Variants in DIXDC1 observed in about 807,000 individuals in gnomAD.
The protein encoded by DIXDC1 is DIX domain containing 1, also known as dixin.
A neutral mutation model predicts 103.1 loss-of-function variants in DIXDC1; 64 were observed. The observed-to-expected ratio is 0.62, with a 90% confidence interval of 0.51 to 0.76. The LOEUF is 0.76. Among genes scored for constraint, DIXDC1 ranks in the 30% least tolerant of loss-of-function variants. The pLI, the probability that DIXDC1 is intolerant of heterozygous loss-of-function variation, is 0.00. For missense variants in DIXDC1, 759 were observed against 834.2 expected, an observed-to-expected ratio of 0.91 and a Z score of 1.11; for synonymous variants, 266 against 298.5, an observed-to-expected ratio of 0.89 and a Z score of 1.12.
chr11:112,011,807 G>C (rs914693395), intron 17 of DIXDC1, among the ~76,000 whole-genome samples: 1 of 152,052 alleles, frequency 6.6e-6, no homozygotes, highest in African/African-American at 2.4e-5. Context: ...CTGTCGTGGA[G>C]GGGGGGACGG....
intron 18 of DIXDC1, 73 bp downstream of exon 18, chr11:112,016,869 C>T: frequency 7.7e-7 from 1 of 1,293,390 alleles, no homozygotes; most frequent in Admixed American, 2.1e-5. Context: ...TTACTGCCCA[C>T]ATGAGCAGCT....
At chr11:111,959,953 A>G (rs1159354694) in intron 1 of DIXDC1, among the ~76,000 whole-genome samples, 5 of 152,130 alleles carry the variant, frequency 3.3e-5, no homozygotes, top group African/African-American at 1.2e-4. Flanking sequence ...TCTGTCGCCC[A>G]GGCTGGAGTG....
At chr11:111,948,081 C>T (rs1235577648) in intron 1 of DIXDC1, among the ~76,000 whole-genome samples, 1 of 152,192 alleles carries the variant, frequency 6.6e-6, no homozygotes, top group Non-Finnish European at 1.5e-5. Flanking sequence ...GTCTCTAACA[C>T]TCTCTAGACA....
intron 1 of DIXDC1, among the ~76,000 whole-genome samples, chr11:111,963,161 A>G (rs1394828119): frequency 6.6e-6 from 1 of 152,234 alleles, no homozygotes; most frequent in Non-Finnish European, 1.5e-5. Context: ...TGAGAATTGA[A>G]TTGGATGACG....
At chr11:111,992,253 A>AAAACCC (rs1189085210) in intron 10 of DIXDC1, among the ~76,000 whole-genome samples, 162 bp from the exon 11 acceptor site, 1 of 152,202 alleles carries the variant, frequency 6.6e-6, no homozygotes, top group Non-Finnish European at 1.5e-5. Context: ...GGGGGACAGA[A>AAAACCC]AAACCCCTCC....
intron 2 of DIXDC1, among the ~76,000 whole-genome samples, chr11:111,931,406 T>C (rs1966012716): frequency 6.6e-6 from 1 of 151,944 alleles, no homozygotes; most frequent in South Asian, 2.1e-4. Flanking sequence ...TCCCAGCACT[T>C]TGGGAGGCTG....
intron 17 of DIXDC1, among the ~76,000 whole-genome samples, chr11:112,015,845 C>G (rs1232280515): frequency 7.3e-5 from 8 of 109,218 alleles, no homozygotes; most frequent in Non-Finnish European, 1.4e-4. Flanking sequence ...GAGTCTCACT[C>G]TGTCACCCAG....
chr11:111,975,034 G>C (rs1860053685), intron 5 of DIXDC1, 51 bp downstream of exon 5: 1 of 1,569,006 alleles, frequency 6.4e-7, no homozygotes, highest in African/African-American at 1.4e-5. Flanking sequence ...GGAGTTCTCG[G>C]CTTCAAGTAA....
chr11:111,984,087 A>G (rs1555173581), intron 7 of DIXDC1, among the ~76,000 whole-genome samples: 2 of 152,240 alleles, frequency 1.3e-5, no homozygotes, highest in African/African-American at 4.8e-5. Flanking sequence ...CATTTGACTT[A>G]CTCAAATTTT....
chr11:111,962,359 G>A (rs970613647), intron 1 of DIXDC1, among the ~76,000 whole-genome samples: 23 of 152,024 alleles, frequency 1.5e-4, no homozygotes, highest in Admixed American at 3.9e-4. Flanking sequence ...GCAGGCACCC[G>A]TAGTCCCAGC....
chr11:112,000,586 A>T (rs1555175875), intron 17 of DIXDC1, among the ~76,000 whole-genome samples: 1 of 151,628 alleles, frequency 6.6e-6, no homozygotes. Context: ...AGTCCCAGCT[A>T]CTCGGGGGGC....
At chr11:112,006,670 T>A (rs1861248671) in intron 17 of DIXDC1, among the ~76,000 whole-genome samples, 1 of 152,230 alleles carries the variant, frequency 6.6e-6, no homozygotes, top group Admixed American at 6.5e-5. Flanking sequence ...AAACAGGGTC[T>A]GGAGTGGACC....
At chr11:111,990,993 C>T (rs1023677848) in intron 10 of DIXDC1, among the ~76,000 whole-genome samples, 2 of 152,176 alleles carry the variant, frequency 1.3e-5, no homozygotes, top group African/African-American at 2.4e-5. Context: ...GTGTGAGCCA[C>T]CATGCCGAGC....
chr11:111,964,797 G>A, intron 2 of DIXDC1, 119 bp downstream of exon 2: 4 of 1,272,356 alleles, frequency 3.1e-6, no homozygotes, highest in Non-Finnish European at 4.2e-6. Flanking sequence ...AGTAGAGGTA[G>A]AGAAGACTTA....
intron 17 of DIXDC1, among the ~76,000 whole-genome samples, chr11:112,004,251 A>AACCC (rs1410068994): frequency 6.6e-6 from 1 of 152,044 alleles, no homozygotes; most frequent in African/African-American, 2.4e-5. Flanking sequence ...AGTCTAAAGA[A>AACCC]ACCCTCCCTC....
chr11:112,014,887 T>G (rs1472370879), intron 17 of DIXDC1, among the ~76,000 whole-genome samples: 1 of 151,962 alleles, frequency 6.6e-6, no homozygotes, highest in Non-Finnish European at 1.5e-5. Context: ...TAATTGGCAT[T>G]CTTTTTTTTT....
At chr11:112,013,248 T>G (rs1861478479) in intron 17 of DIXDC1, among the ~76,000 whole-genome samples, 1 of 129,392 alleles carries the variant, frequency 7.7e-6, no homozygotes, top group South Asian at 2.6e-4. Flanking sequence ...AATTACCTCC[T>G]TAAAGGCCCT....
At position 112,020,724 on chromosome 11, in the gene DIXDC1, G is replaced by A. The variant is rs1555178338; in HGVS notation, c.*1688G>A. ...CTGTTTTAGTTGTGAAGGTAGTTTT[G>A]TGTAATCCAGTTGATTGCTCCTCTG... is the stretch of plus-strand genomic sequence containing the variant. On this transcript the variant is annotated 3_prime_UTR_variant, in exon 20 of 20. Coordinates refer to ENST00000440460, the MANE Select transcript of DIXDC1 (RefSeq NM_001037954.4). The A allele has an allele frequency of 6.6e-6, 1 of 152,138 alleles. No homozygotes were observed. Among genetic ancestry groups the A allele is most frequent in the African/African-American group, 2.4e-5 (1 of 41,430 alleles). 9.4% of individuals were successfully genotyped at this position (152,138 alleles called of 1,614,324 possible). A position where few individuals can be genotyped will look rare whatever the true frequency, so the allele number is the denominator to read the frequency against.
chr11:111,992,962 G>T lies in DIXDC1; in HGVS notation c.1230G>T (p.Gln410His). 6.2e-7 allele frequency: 1 copy of T among 1,608,390 alleles called. No individual in the cohort carries two copies. Among genetic ancestry groups the T allele is most frequent in the African/African-American group, 1.3e-5 (1 of 75,014 alleles). ...TCTTATTCTTGCAGGTGGATCTGCA[G>T]AGGAAGCTAGATGAGAGGAACCGGC... ...DELHNQNVDL[Q>H]RKLDERNRLL... Residue 410 changes from glutamine (Q) to histidine (H), a missense_variant, in exon 12 of 20, where the codon CAG becomes CAT. By Grantham distance (24) the Gln-to-His change is conservative. Around this residue, in one of 3 missense-constraint regions of DIXDC1, gnomAD observed 657 missense variants for 727.5 expected, o/e 0.90. Coordinates refer to ENST00000440460, the MANE Select transcript of DIXDC1 (RefSeq NM_001037954.4).
Sources: allele counts gnomAD v4.1 joint callset (sites outside exome capture counted in the v4.1 genomes callset), GRCh38; gene constraint gnomAD v4.1.1; regional missense constraint gnomAD v4.1.1; transcripts MANE v1.5; gene names NCBI Gene and HGNC (gene_info 2026-07-23, HGNC 2026-07-21).